The following TANC1 variants were observed in gnomAD, a reference collection of about 807,000 sequenced individuals.
TANC1 encodes the protein protein TANC1.
Under a neutral mutation model 149.7 loss-of-function variants are expected in TANC1, and 77 were observed. The observed-to-expected ratio is 0.51, with a 90% CI of 0.43 to 0.62. The LOEUF is 0.62. Among genes scored for constraint, TANC1 ranks in the 20% least tolerant of loss-of-function variants. The pLI is 0.00. For missense variants in TANC1, 1,985 were observed against 2,321.8 expected, an observed-to-expected ratio of 0.85 and a Z score of 2.98; for synonymous variants, 854 against 925.0, an observed-to-expected ratio of 0.92 and a Z score of 1.39.
intron 4 of TANC1, among the ~76,000 whole-genome samples, chr2:159,105,741 A>C (rs985087595): frequency 4.6e-5 from 7 of 152,210 alleles, no homozygotes; most frequent in African/African-American, 1.4e-4. Context: ...TTGTATATTA[A>C]GATTTAAAGG....
rs188879399 is a variant in TANC1, at chr2:159,113,092, G to A, written c.259+15258G>A. 3.7e-4 allele frequency among the ~76,000 whole-genome samples: 56 copies of A among 152,040 alleles called. No individual in the cohort carries two copies. The East Asian group carries it at 6.4e-3, about 17-fold the overall frequency. On this transcript the variant is annotated intron_variant, in intron 4 of 26. Transcript: ENST00000263635. ...TGGGACTACAAGCATGTGTCACTAC[G>A]CGTGGCTAATTTTTGTATTTTTAGT... is the stretch of plus-strand genomic sequence containing the variant.
chr2:159,085,663 G>A (rs942326357), intron 3 of TANC1, among the ~76,000 whole-genome samples: 2 of 152,160 alleles, frequency 1.3e-5, no homozygotes, highest in Admixed American at 1.3e-4. Context: ...GAGCAGGCAT[G>A]TCACATGGCA....
chr2:159,170,417 T>TG (rs2055076167), intron 9 of TANC1, 107 bp from the exon 10 acceptor site: 1 of 996,088 alleles, frequency 1.0e-6, no homozygotes, highest in East Asian at 2.6e-5. Context: ...CAGATCCTAG[T>TG]GGGGGTAAAG....
chr2:159,172,299 T>C, intron 11 of TANC1, 27 bp downstream of exon 11: 1 of 1,606,826 alleles, frequency 6.2e-7, no homozygotes, highest in Non-Finnish European at 8.5e-7. Context: ...TATTGGAGCC[T>C]TCCACATAGA....
In TANC1 at chr2:159,001,118, A is replaced by C. The variant is rs2036585298; in HGVS notation, c.-87A>C. The C allele has an allele frequency of 6.6e-6, 1 of 152,368 alleles. No homozygotes were observed. The highest frequency in any genetic ancestry group is 2.4e-5 in the African/African-American group (1 of 41,434). The allele number at this position is 152,368 out of a possible 1,614,324, so 9.4% of individuals were successfully genotyped here. A position where few individuals can be genotyped will look rare whatever the true frequency, so the allele number is the denominator to read the frequency against. ...GGCAGGAACGTCTCTCAGGAGAAAG[A>C]GTGGAAGAGAAAATTGTGAACTAAG... On this transcript the variant is annotated 5_prime_UTR_variant, in exon 2 of 27. Transcript: ENST00000263635. The surrounding 1 kb of genome is among the most constrained non-coding windows in gnomAD (Gnocchi z 4.3).
intron 2 of TANC1, among the ~76,000 whole-genome samples, chr2:159,014,921 C>T (rs1316079554): frequency 6.6e-6 from 1 of 152,226 alleles, no homozygotes; most frequent in Admixed American, 6.5e-5. Context: ...TTCCTGGCTG[C>T]ATTCACAGGC....
intron 4 of TANC1, 147 bp from the exon 5 acceptor site, chr2:159,136,047 T>TGTGTGTGA: frequency 2.9e-5 from 6 of 210,228 alleles, no homozygotes; most frequent in Non-Finnish European, 5.5e-5. Context: ...TGTGTGTGTG[T>TGTGTGTGA]GTGCGCGCGC....
rs141557341 is a variant in TANC1 at position 158,976,293 on chromosome 2, CTTACA to C, written c.-126+7515_-126+7519del. ...GGTATATCTGGTAGTCTTTTATCAA[CTTACA>C]TTATATGAGGTTGCCTGAGGGAAGA... On this transcript the variant is annotated intron_variant, in intron 1 of 26. Transcript: ENST00000263635. Among the ~76,000 whole-genome samples the C allele has an allele frequency of 1.8e-4, 28 of 152,282 alleles. No homozygotes were observed. In the East Asian group the frequency reaches 5.4e-3, roughly 29 times the overall value.
intron 24 of TANC1, 46 bp downstream of exon 24, chr2:159,225,825 C>T (rs773608594): frequency 1.4e-6 from 2 of 1,403,118 alleles, no homozygotes; most frequent in African/African-American, 2.8e-5. Flanking sequence ...TGCCTGGGAG[C>T]ACCCTCTTAA....
chr2:159,046,115 T>C (rs2041018694), intron 2 of TANC1, among the ~76,000 whole-genome samples: 2 of 152,174 alleles, frequency 1.3e-5, no homozygotes, highest in Admixed American at 6.5e-5. Context: ...GTTTTTTTTT[T>C]CCCCCTTCAG....
At chr2:158,985,920 C>T (rs752417897) in intron 1 of TANC1, among the ~76,000 whole-genome samples, 7 of 152,136 alleles carry the variant, frequency 4.6e-5, no homozygotes, top group Non-Finnish European at 1.0e-4. Flanking sequence ...CGATTATAAG[C>T]ATGAGCGACC....
intron 4 of TANC1, among the ~76,000 whole-genome samples, chr2:159,117,627 A>T (rs925330255): frequency 4.8e-5 from 7 of 147,114 alleles, no homozygotes; most frequent in Non-Finnish European, 1.0e-4. Flanking sequence ...CAATCTCCTG[A>T]CCTCGTGACC....
At chr2:159,005,984 G>A (rs1015168142) in intron 2 of TANC1, among the ~76,000 whole-genome samples, 1 of 151,922 alleles carries the variant, frequency 6.6e-6, no homozygotes, top group African/African-American at 2.4e-5. Flanking sequence ...GGCCAAATGA[G>A]GTCTGATTTT....
chr2:159,108,249 AGT>A (rs1484985311), intron 4 of TANC1, among the ~76,000 whole-genome samples: 1 of 152,126 alleles, frequency 6.6e-6, no homozygotes, highest in Non-Finnish European at 1.5e-5. Context: ...AGCAAAAGGG[AGT>A]GTGTCTTCAA....
At chr2:159,131,670 C>T (rs1230330800) in intron 4 of TANC1, among the ~76,000 whole-genome samples, 1 of 152,186 alleles carries the variant, frequency 6.6e-6, no homozygotes, top group Non-Finnish European at 1.5e-5. Context: ...TTTGCTACAA[C>T]TTTAATGGTG....
intron 19 of TANC1, among the ~76,000 whole-genome samples, chr2:159,215,262 A>T (rs2059270032): frequency 6.6e-6 from 1 of 152,178 alleles, no homozygotes; most frequent in African/African-American, 2.4e-5. Context: ...GATCCACGGG[A>T]GAGATGTGGC....
intron 11 of TANC1, among the ~76,000 whole-genome samples, chr2:159,174,145 A>G (rs940938499): frequency 3.3e-5 from 5 of 152,088 alleles, no homozygotes; most frequent in Admixed American, 6.5e-5. Flanking sequence ...TTCTCCTATC[A>G]TCCTCCTTTG....
chr2:159,163,215 G>A lies in TANC1; in HGVS notation c.683-68G>A, dbSNP rs551700693. ...CCATTGATCCTGGGGAGGGCAGTGT[G>A]CATGTTTTAATTCTTCAGCCCCAGC... On this transcript the variant is annotated intron_variant, in intron 7 of 26. Coordinates refer to ENST00000263635, the MANE Select transcript of TANC1 (RefSeq NM_033394.3). 4.8e-4 allele frequency: 713 copies of A among 1,495,208 alleles called. 9 individuals carry two copies. The Middle Eastern group carries it at 0.021, about 43-fold the overall frequency. The allele number at this position is 1,495,208 out of a possible 1,614,324, so 92.6% of individuals were successfully genotyped here.
At chr2:158,994,582 T>C (rs1421550205) in intron 1 of TANC1, among the ~76,000 whole-genome samples, 1 of 152,220 alleles carries the variant, frequency 6.6e-6, no homozygotes, top group Non-Finnish European at 1.5e-5. Context: ...GGGTGATATA[T>C]TTTAAGAGTA....
Sources: allele counts gnomAD v4.1 joint callset (sites outside exome capture counted in the v4.1 genomes callset), GRCh38; gene constraint gnomAD v4.1.1; non-coding constraint Gnocchi (gnomAD v3.1); transcripts MANE v1.5; gene names NCBI Gene and HGNC (gene_info 2026-07-23, HGNC 2026-07-21).